The following SYT1 variants were observed in gnomAD, a reference collection of about 807,000 sequenced individuals.
SYT1 encodes synaptotagmin 1, also known as synaptotagmin-1.
Under a neutral mutation model 44.8 loss-of-function variants are expected in SYT1, and 8 were observed. The observed-to-expected ratio is 0.18, with a 90% CI of 0.10 to 0.32. SYT1 has a LOEUF of 0.32. Among genes scored for constraint, SYT1 ranks in the 10% least tolerant of loss-of-function variants. The pLI is 1.00. For missense variants in SYT1, 286 were observed against 509.3 expected, an observed-to-expected ratio of 0.56 and a Z score of 4.22; for synonymous variants, 154 against 188.8, an observed-to-expected ratio of 0.82 and a Z score of 1.51.
intron 3 of SYT1, among the ~76,000 whole-genome samples, chr12:79,138,116 T>G (rs1323054589): frequency 6.6e-6 from 1 of 152,200 alleles, no homozygotes; most frequent in Non-Finnish European, 1.5e-5. Context: ...CCCATACAGC[T>G]TTCTCAAGTA....
chr12:79,256,691 GT>G (rs1877538173), intron 4 of SYT1, among the ~76,000 whole-genome samples: 1 of 152,142 alleles, frequency 6.6e-6, no homozygotes. Flanking sequence ...GCTTCCAAAA[GT>G]TTACAAGCAA....
intron 1 of SYT1, among the ~76,000 whole-genome samples, chr12:78,875,025 A>G (rs946104139): frequency 1.3e-5 from 2 of 151,640 alleles, no homozygotes; most frequent in Non-Finnish European, 3.0e-5. Flanking sequence ...AGAACAGCAA[A>G]TTGCAGAGCC....
chr12:79,314,790 A>G (rs73351100), intron 8 of SYT1, among the ~76,000 whole-genome samples: 1,612 of 152,348 alleles, frequency 0.011, 31 homozygotes, highest in African/African-American at 0.037. Flanking sequence ...ATTTTTCATA[A>G]CAGCCAAAAA....
Position 78,997,294 on chromosome 12 carries a change from G to A in SYT1, c.-84+19363G>A, listed in dbSNP as rs183615951. On this transcript the variant is annotated intron_variant, in intron 2 of 10. Coordinates refer to ENST00000261205, the MANE Select transcript of SYT1 (RefSeq NM_005639.3). ...AGCAGTTCTCACTTAGAAGGACCTA[G>A]ATAGATAACTCCATAAGATTCTGTT... is the stretch of plus-strand genomic sequence containing the variant. 2.1e-3 allele frequency among the ~76,000 whole-genome samples: 321 copies of A among 152,286 alleles called. 2 individuals are homozygous for A. The Middle Eastern group carries it at 0.044, about 21-fold the overall frequency.
intron 2 of SYT1, among the ~76,000 whole-genome samples, chr12:78,995,180 A>G (rs961204927): frequency 3.3e-5 from 5 of 152,220 alleles, no homozygotes; most frequent in Admixed American, 6.5e-5. Context: ...GTGAAGCCTG[A>G]GAACCACTAA....
intron 3 of SYT1, among the ~76,000 whole-genome samples, chr12:79,077,488 C>T (rs1027374688): frequency 4.6e-5 from 7 of 152,034 alleles, no homozygotes; most frequent in African/African-American, 9.7e-5. Flanking sequence ...CCATTCTGAC[C>T]GATCCAAATA....
intron 4 of SYT1, among the ~76,000 whole-genome samples, chr12:79,259,545 C>T (rs1388759830): frequency 6.6e-6 from 1 of 152,068 alleles, no homozygotes; most frequent in East Asian, 1.9e-4. Flanking sequence ...TCAGCCTGGG[C>T]AACATATGGA....
At chr12:79,332,821 A>G (rs1004435609) in intron 8 of SYT1, among the ~76,000 whole-genome samples, 10 of 152,228 alleles carry the variant, frequency 6.6e-5, no homozygotes, top group African/African-American at 2.4e-4. Flanking sequence ...ATGTGTCTAC[A>G]TTTTCTACTT....
intron 4 of SYT1, among the ~76,000 whole-genome samples, chr12:79,244,313 T>C (rs1876692499): frequency 6.6e-6 from 1 of 152,242 alleles, no homozygotes; most frequent in South Asian, 2.1e-4. Flanking sequence ...TCAAGAACTT[T>C]CCACATGATT....
At chr12:78,989,396 C>T (rs1289145825) in intron 2 of SYT1, among the ~76,000 whole-genome samples, 3 of 152,100 alleles carry the variant, frequency 2.0e-5, no homozygotes, top group African/African-American at 4.8e-5. Context: ...TTAAATCCAA[C>T]TCTAGAGAGT....
intron 1 of SYT1, among the ~76,000 whole-genome samples, chr12:78,877,624 T>A (rs1401448680): frequency 6.6e-6 from 1 of 151,822 alleles, no homozygotes; most frequent in Admixed American, 6.6e-5. Flanking sequence ...GTACTGGTCA[T>A]GATCAACTAA....
At chr12:78,917,020 C>T (rs1039679026) in intron 1 of SYT1, among the ~76,000 whole-genome samples, 5 of 152,006 alleles carry the variant, frequency 3.3e-5, no homozygotes, top group African/African-American at 7.2e-5. Context: ...GAAGCCCTGA[C>T]CTCAAAAGCA....
chr12:78,961,289 T>G (rs1879486936), intron 1 of SYT1, among the ~76,000 whole-genome samples: 1 of 151,974 alleles, frequency 6.6e-6, no homozygotes. Context: ...ATTTGTATTT[T>G]GTGGCGACAT....
intron 8 of SYT1, among the ~76,000 whole-genome samples, chr12:79,308,112 A>G (rs1880506144): frequency 6.6e-6 from 1 of 152,234 alleles, no homozygotes; most frequent in African/African-American, 2.4e-5. Flanking sequence ...GGAACAGAGG[A>G]CAGAGGCAAG....
intron 1 of SYT1, among the ~76,000 whole-genome samples, chr12:78,897,319 G>A (rs1875415392): frequency 6.6e-6 from 1 of 151,604 alleles, no homozygotes; most frequent in Non-Finnish European, 1.5e-5. Context: ...CTTTCTCTGT[G>A]GTTCAAAGAT....
intron 2 of SYT1, among the ~76,000 whole-genome samples, chr12:79,041,219 T>C (rs974395293): frequency 1.3e-5 from 2 of 152,128 alleles, no homozygotes; most frequent in East Asian, 3.9e-4. Flanking sequence ...TTGGGCAGTA[T>C]GGCCATTTTC....
At chr12:79,288,002 C>G (rs1879395842) in intron 5 of SYT1, among the ~76,000 whole-genome samples, 1 of 152,102 alleles carries the variant, frequency 6.6e-6, no homozygotes, top group Admixed American at 6.6e-5. Context: ...AGGACATTAG[C>G]TAGGTCTCAA....
chr12:79,179,223 G>GATATATATAGAT (rs1394978060), intron 3 of SYT1, among the ~76,000 whole-genome samples: 1 of 18,388 alleles, frequency 5.4e-5, no homozygotes, highest in Non-Finnish European at 9.2e-5. Flanking sequence ...TAGATATATA[G>GATATATATAGAT]ATATAGATAT....
At chr12:79,424,464 G>A (rs374111835) in intron 9 of SYT1, among the ~76,000 whole-genome samples, 3 of 152,156 alleles carry the variant, frequency 2.0e-5, no homozygotes, top group African/African-American at 7.2e-5. Flanking sequence ...CAAGAGTAGA[G>A]AGGGTAGTAC....
Sources: gnomAD v4.1 joint callset for allele counts (sites outside exome capture counted in the v4.1 genomes callset) on GRCh38, gnomAD v4.1.1 for gene constraint, MANE v1.5 for transcripts, NCBI Gene and HGNC (gene_info 2026-07-23, HGNC 2026-07-21) for gene names.